MGAT4C: variants seen among roughly 807,000 people sequenced by gnomAD.
The protein encoded by MGAT4C is MGAT4 family member C, also known as alpha-1,3-mannosyl-glycoprotein 4-beta-N-acetylglucosaminyltransferase C.
MGAT4C carries 19 observed loss-of-function variants against 40.1 expected under a neutral mutation model. That is an observed-to-expected ratio of 0.47 (90% CI 0.33 to 0.70). The LOEUF (loss-of-function observed/expected upper bound fraction) is 0.70, where lower values mean the gene tolerates loss of function less well. MGAT4C is among the 30% of genes least tolerant of loss of function. MGAT4C has a pLI of 0.02. For missense variants in MGAT4C, 491 were observed against 563.2 expected (o/e 0.87, Z 1.30); for synonymous variants, 181 against 187.1 (o/e 0.97, Z 0.27).
At chr12:86,470,592 T>C (rs1429287712) in intron 2 of MGAT4C, among the ~76,000 whole-genome samples, 1 of 152,184 alleles carries the variant, frequency 6.6e-6, no homozygotes, top group Admixed American at 6.6e-5. Flanking sequence ...TATTCTAAAC[T>C]GATACAGTGT....
upstream of MGAT4C, among the ~76,000 whole-genome samples, chr12:86,260,302 T>C (rs1452849698): frequency 1.3e-5 from 2 of 152,090 alleles, no homozygotes; most frequent in Admixed American, 6.5e-5. Context: ...CCACTGAAAG[T>C]AAGCACATCT....
rs755991479 is a variant in MGAT4C at position 86,236,640 on chromosome 12, A to C, written c.-57+19599T>G. Among the ~76,000 whole-genome samples, 4 of 152,140 alleles carry C rather than the reference A, an allele frequency of 2.6e-5. No homozygotes were observed. In the East Asian group the frequency reaches 7.8e-4, roughly 29 times the overall value. On this transcript the variant is annotated intron_variant, in intron 1 of 4. Transcript: ENST00000611864. ...CATAGAATGCTTCTTTATTAAGCCCATATGTGAATATCATGGATGGAAACA... is the reference window on the plus strand; with the variant it reads ...CATAGAATGCTTCTTTATTAAGCCCCTATGTGAATATCATGGATGGAAACA...
At chr12:86,814,649 A>G (rs1210788375) in intron 1 of MGAT4C, among the ~76,000 whole-genome samples, 1 of 151,924 alleles carries the variant, frequency 6.6e-6, no homozygotes, top group African/African-American at 2.4e-5. Flanking sequence ...CCCGAAATTC[A>G]TGTGTTGAAA....
At chr12:86,010,464 G>A (rs1888343498) in intron 2 of MGAT4C, among the ~76,000 whole-genome samples, 1 of 152,136 alleles carries the variant, frequency 6.6e-6, no homozygotes, top group African/African-American at 2.4e-5. Context: ...CAGATCACGA[G>A]GTCAAGAGTT....
chr12:86,076,013 T>A (rs1157222113), intron 1 of MGAT4C, among the ~76,000 whole-genome samples: 1 of 152,234 alleles, frequency 6.6e-6, no homozygotes, highest in African/African-American at 2.4e-5. Flanking sequence ...ATTTTTCTTT[T>A]CTACCATATA....
chr12:86,645,129 G>C (rs1222867487), intron 2 of MGAT4C, among the ~76,000 whole-genome samples: 3 of 151,400 alleles, frequency 2.0e-5, no homozygotes, highest in African/African-American at 4.8e-5. Context: ...AAAATAGTCT[G>C]TGTTCATAGC....
At chr12:86,700,052 A>ATAGATAGATAGATAGATAGG (rs1310167771) in intron 2 of MGAT4C, among the ~76,000 whole-genome samples, 79 of 151,800 alleles carry the variant, frequency 5.2e-4, no homozygotes, top group African/African-American at 1.7e-3. Flanking sequence ...AGATAGATAG[A>ATAGATAGATAGATAGATAGG]TAGATAGATA....
chr12:86,280,774 G>A (rs943823529), intron 4 of MGAT4C, among the ~76,000 whole-genome samples: 8 of 150,922 alleles, frequency 5.3e-5, no homozygotes, highest in Admixed American at 2.6e-4. Flanking sequence ...CTTTTACTAT[G>A]AATTTCACTT....
intron 2 of MGAT4C, among the ~76,000 whole-genome samples, chr12:86,502,664 C>CAT (rs1001891330): frequency 1.8e-4 from 26 of 146,038 alleles, no homozygotes; most frequent in Non-Finnish European, 3.8e-4. Context: ...GATTTCTGCT[C>CAT]ATATATATAC....
At chr12:86,626,695 C>A in intron 2 of MGAT4C, among the ~76,000 whole-genome samples, 1 of 152,178 alleles carries the variant, frequency 6.6e-6, no homozygotes, top group East Asian at 1.9e-4. Flanking sequence ...ACTTGAGACA[C>A]ATTACTAAAT....
intron 1 of MGAT4C, among the ~76,000 whole-genome samples, chr12:86,135,585 T>C (rs1267729980): frequency 6.6e-6 from 1 of 152,146 alleles, no homozygotes; most frequent in East Asian, 1.9e-4. Flanking sequence ...AGGATAGTTA[T>C]GAACTATACC....
Position 86,191,660 on chromosome 12 carries a change from CACACACACACACA to C in MGAT4C, c.-57+64566_-57+64578del, listed in dbSNP as rs1255040007. Among the ~76,000 whole-genome samples the C allele has an allele frequency of 3.6e-3, 490 of 135,194 alleles. 5 individuals are homozygous for C. Among genetic ancestry groups the C allele is most frequent in the African/African-American group, 0.015 (477 of 31,350 alleles). The allele number at this position is 135,194 out of a possible 152,430, so 88.7% of individuals were successfully genotyped here. On this transcript the variant is annotated intron_variant, in intron 1 of 4. Transcript: ENST00000611864. ...ACACACACACACACACACACACACA[CACACACACACACA>C]CCCTTATCTCCTGTAGCAAAATTCA...
chr12:86,632,357 A>T (rs904771774), intron 2 of MGAT4C, among the ~76,000 whole-genome samples: 5 of 152,186 alleles, frequency 3.3e-5, no homozygotes, highest in African/African-American at 1.2e-4. Flanking sequence ...GCGATTCCTC[A>T]AGGATCGAGA....
intron 2 of MGAT4C, among the ~76,000 whole-genome samples, chr12:86,688,606 C>A (rs948386313): frequency 1.3e-5 from 2 of 152,126 alleles, no homozygotes; most frequent in Non-Finnish European, 2.9e-5. Flanking sequence ...GTGTTTGAAG[C>A]TGAGTTTGGC....
At chr12:86,240,100 G>A (rs1268994613) in intron 1 of MGAT4C, among the ~76,000 whole-genome samples, 1 of 150,992 alleles carries the variant, frequency 6.6e-6, no homozygotes, top group Non-Finnish European at 1.5e-5. Flanking sequence ...TGTGCAGAAA[G>A]CAATTAATAA....
chr12:86,766,564 C>G (rs2136161054), intron 1 of MGAT4C, among the ~76,000 whole-genome samples: 1 of 151,188 alleles, frequency 6.6e-6, no homozygotes, highest in Non-Finnish European at 1.5e-5. Context: ...ACAGAATATA[C>G]ATTTTTTTCA....
At chr12:86,390,017 A>G (rs1956135745) in intron 3 of MGAT4C, among the ~76,000 whole-genome samples, 2 of 152,164 alleles carry the variant, frequency 1.3e-5, no homozygotes, top group Admixed American at 1.3e-4. Flanking sequence ...TTTCTTAGAG[A>G]GCATGCACTT....
chr12:86,555,433 A>G (rs961042471), intron 2 of MGAT4C, among the ~76,000 whole-genome samples: 3 of 152,192 alleles, frequency 2.0e-5, no homozygotes, highest in African/African-American at 7.2e-5. Flanking sequence ...ATAATGTAAA[A>G]GAGTCTTGGA....
At position 86,835,983 on chromosome 12, in the gene MGAT4C, G is replaced by A. The variant is rs116295547; in HGVS notation, c.-262+2683C>T. Among the ~76,000 whole-genome samples the A allele has an allele frequency of 3.3e-3, 494 of 151,850 alleles. 3 individuals carry two copies. The highest frequency in any genetic ancestry group is 0.011 in the African/African-American group (476 of 41,468). ...TATGTACCATTTATTGAGCATATGCGGTGCACAAACTACGTATTTATTATT... is the reference window on the plus strand; with the variant it reads ...TATGTACCATTTATTGAGCATATGCAGTGCACAAACTACGTATTTATTATT... On this transcript the variant is annotated intron_variant, in intron 1 of 7. Coordinates refer to the MGAT4C transcript ENST00000548651.
Sources: allele counts gnomAD v4.1 joint callset (sites outside exome capture counted in the v4.1 genomes callset), GRCh38; gene constraint gnomAD v4.1.1; transcripts MANE v1.5; gene names NCBI Gene and HGNC (gene_info 2026-07-23, HGNC 2026-07-21).